TDRP: variants seen among roughly 807,000 people sequenced by gnomAD.
TDRP encodes testis development related protein, also known as testis development-related protein.
Under a neutral mutation model 10.5 loss-of-function variants are expected in TDRP, and 12 were observed. That is an observed-to-expected ratio of 1.15 (90% CI 0.73 to 1.86). TDRP has a LOEUF of 1.86. TDRP is among the 40% of genes most tolerant of loss of function. TDRP has a pLI of 0.00. For missense variants in TDRP, 353 were observed against 229.2 expected (o/e 1.54, Z -3.49); for synonymous variants, 139 against 95.4 (o/e 1.46, Z -2.67).
chr8:493,993 GT>G (rs68057437), intron 2 of TDRP, among the ~76,000 whole-genome samples: 29,812 of 105,560 alleles, frequency 0.28, 2,258 homozygotes, highest in Middle Eastern at 0.36. Context: ...CATTTCTGTT[GT>G]TTTTTTTTTT....
chr8:531,925 G>A (rs1266194785), intron 1 of TDRP, among the ~76,000 whole-genome samples: 2 of 152,166 alleles, frequency 1.3e-5, no homozygotes, highest in Non-Finnish European at 2.9e-5. Flanking sequence ...ATTTCAAGCA[G>A]TACTCTGACA....
chr8:545,153 CCCGCCA>C (rs1307003304), upstream of TDRP, among the ~76,000 whole-genome samples: 1 of 145,050 alleles, frequency 6.9e-6, no homozygotes, highest in Non-Finnish European at 1.5e-5. Context: ...CAGTGTGGTC[CCCGCCA>C]CCGCCCCGGC....
intron 1 of TDRP, among the ~76,000 whole-genome samples, chr8:496,026 A>G (rs569396419): frequency 6.6e-6 from 1 of 152,340 alleles, no homozygotes; most frequent in Admixed American, 6.5e-5. Flanking sequence ...AGATACTGGG[A>G]TAGGAGTATG....
At chr8:530,392 G>C (rs1008635222) in intron 1 of TDRP, among the ~76,000 whole-genome samples, 1 of 151,908 alleles carries the variant, frequency 6.6e-6, no homozygotes, top group Admixed American at 6.6e-5. Flanking sequence ...CATTAATTGG[G>C]CCATATTTCT....
chr8:499,634 G>A (rs560518487), intron 1 of TDRP, among the ~76,000 whole-genome samples: 12 of 152,360 alleles, frequency 7.9e-5, no homozygotes, highest in East Asian at 5.8e-4. Context: ...AAGTGTGAGC[G>A]TGAGGAGTGC....
intron 1 of TDRP, among the ~76,000 whole-genome samples, chr8:542,813 C>T (rs569937830): frequency 2.0e-5 from 3 of 148,468 alleles, no homozygotes; most frequent in South Asian, 4.3e-4. Context: ...GCTGAGATCA[C>T]GCCACTGCAC....
intron 1 of TDRP, among the ~76,000 whole-genome samples, chr8:515,733 A>G (rs1486546631): frequency 6.6e-6 from 1 of 152,230 alleles, no homozygotes; most frequent in East Asian, 1.9e-4. Context: ...AGAGAGAAAT[A>G]AAAGTTACAG....
intron 1 of TDRP, among the ~76,000 whole-genome samples, chr8:524,030 G>T (rs1801974007): frequency 6.6e-6 from 1 of 152,210 alleles, no homozygotes; most frequent in South Asian, 2.1e-4. Context: ...GTCTGAATCA[G>T]CACAGTCCCA....
chr8:523,978 T>G (rs1054193526), intron 1 of TDRP, among the ~76,000 whole-genome samples: 1 of 152,190 alleles, frequency 6.6e-6, no homozygotes, highest in Non-Finnish European at 1.5e-5. Context: ...GCAGTGGTTA[T>G]AGCAGGGCCT....
chr8:502,804 G>A (rs1801341080), intron 1 of TDRP, among the ~76,000 whole-genome samples: 1 of 151,606 alleles, frequency 6.6e-6, no homozygotes, highest in Non-Finnish European at 1.5e-5. Context: ...TGGAACCAAT[G>A]CCCACCTCAA....
At chr8:525,507 A>C in intron 1 of TDRP, among the ~76,000 whole-genome samples, 1 of 152,224 alleles carries the variant, frequency 6.6e-6, no homozygotes, top group East Asian at 1.9e-4. Context: ...CTTAAGATGT[A>C]ATACAATAAG....
At chr8:494,298 G>A (rs960729136) in intron 2 of TDRP, among the ~76,000 whole-genome samples, 196 bp downstream of exon 2, 3 of 152,046 alleles carry the variant, frequency 2.0e-5, no homozygotes, top group African/African-American at 7.2e-5. Context: ...TGTTAACTCC[G>A]AAGCACACAT....
chr8:525,223 C>G (rs1273432157), intron 1 of TDRP, among the ~76,000 whole-genome samples: 6 of 152,092 alleles, frequency 3.9e-5, no homozygotes, highest in Non-Finnish European at 7.4e-5. Context: ...CAAAAATGTC[C>G]TTCAAGCATG....
intron 1 of TDRP, among the ~76,000 whole-genome samples, chr8:512,320 C>T (rs187576381): frequency 6.6e-6 from 1 of 152,138 alleles, no homozygotes; most frequent in East Asian, 1.9e-4. Flanking sequence ...GTAGTGCCAG[C>T]TCCTTGGGAG....
chr8:545,183 TTC>T (rs1244681830), upstream of TDRP, among the ~76,000 whole-genome samples: 1 of 73,396 alleles, frequency 1.4e-5, no homozygotes, highest in Non-Finnish European at 2.6e-5. Context: ...ACCCTCGCCC[TTC>T]ACTGTTCTAC....
In TDRP at chr8:492,606, T is replaced by C. The variant is rs757594787; in HGVS notation, c.351A>G (p.Glu117=). Residue 117 remains glutamate (E), a synonymous_variant, in exon 3 of 3, where the codon GAA becomes GAG. Coordinates refer to ENST00000324079, the MANE Select transcript of TDRP (RefSeq NM_001384899.1). Reference sequence around the variant, plus strand: ...TGTCCTCAGGGTCAGCCGATATGTCTTCAAGAGCAAGTTTTGGAGGCTCCC... The same window carrying C: ...TGTCCTCAGGGTCAGCCGATATGTCCTCAAGAGCAAGTTTTGGAGGCTCCC... The part of the protein sequence containing the change: ...EGWEPPKLAL[E]DISADPEDTV... 3.1e-6 allele frequency: 5 copies of C among 1,614,010 alleles called. No individual in the cohort carries two copies. Among genetic ancestry groups the C allele is most frequent in the Non-Finnish European group, 4.2e-6 (5 of 1,179,866 alleles).
chr8:501,956 A>G (rs1801315313), intron 1 of TDRP, among the ~76,000 whole-genome samples: 1 of 152,226 alleles, frequency 6.6e-6, no homozygotes, highest in African/African-American at 2.4e-5. Context: ...ACAAAGGCTT[A>G]GCGCTGGCAT....
In TDRP at chr8:500,826, C is replaced by A. The variant is rs117482239; in HGVS notation, c.109-6229G>T. On this transcript the variant is annotated intron_variant, in intron 1 of 2. Transcript: ENST00000324079. ...GCACAGCAAGGCTGAACAGTGACAC[C>A]TAAGACCAACCCAGTAATGTGGGCA... 5.4e-3 allele frequency among the ~76,000 whole-genome samples: 823 copies of A among 152,272 alleles called. 15 individuals are homozygous for A. Among genetic ancestry groups the A allele is most frequent in the Admixed American group, 0.039 (597 of 15,292 alleles).
chr8:527,794 T>C (rs1462718420), intron 1 of TDRP, among the ~76,000 whole-genome samples: 1 of 152,064 alleles, frequency 6.6e-6, no homozygotes, highest in African/African-American at 2.4e-5. Flanking sequence ...ATCTAAGACC[T>C]CACACTACGA....
Sources: gnomAD v4.1 joint callset for allele counts (sites outside exome capture counted in the v4.1 genomes callset) on GRCh38, gnomAD v4.1.1 for gene constraint, MANE v1.5 for transcripts, NCBI Gene and HGNC (gene_info 2026-07-23, HGNC 2026-07-21) for gene names.